Variants in ANKRD36C observed in about 807,000 individuals in gnomAD.
ANKRD36C encodes the protein ankyrin repeat domain-containing protein 36C.
A neutral mutation model predicts 276.4 loss-of-function variants in ANKRD36C; 61 were observed. The ratio of observed to expected loss-of-function variants is 0.22; its 90% CI spans 0.18 to 0.27. The LOEUF (loss-of-function observed/expected upper bound fraction) is 0.27. Among genes scored for constraint, ANKRD36C ranks in the 10% least tolerant of loss-of-function variants. The probability of loss-of-function intolerance (pLI) is 1.00; values close to 1 mark genes in which losing one functional copy is unlikely to be tolerated. For synonymous variants in ANKRD36C, 483 were observed against 680.1 expected (o/e 0.71, Z 4.51); for missense variants, 1,447 against 2,032.3 (o/e 0.71, Z 5.54).
At chr2:95,947,322 A>C (rs1440634361) in intron 17 of ANKRD36C, among the ~76,000 whole-genome samples, 1 of 152,178 alleles carries the variant, frequency 6.6e-6, no homozygotes, top group Non-Finnish European at 1.5e-5. Flanking sequence ...CAAGACATTT[A>C]ATAGATTTAA....
chr2:95,924,261 A>G (rs1275806930), intron 30 of ANKRD36C, among the ~76,000 whole-genome samples: 1 of 151,608 alleles, frequency 6.6e-6, no homozygotes, highest in African/African-American at 2.4e-5. Context: ...ATTATTTATC[A>G]TACACATGTG....
intron 46 of ANKRD36C, 99 bp from the exon 67 acceptor site, chr2:95,890,093 G>A: frequency 6.9e-7 from 1 of 1,451,028 alleles, no homozygotes; most frequent in Non-Finnish European, 9.6e-7. Context: ...CCTCCTGCCT[G>A]TATTAGTGTA....
intron 60 of ANKRD36C, among the ~76,000 whole-genome samples, chr2:95,865,071 A>G (rs980156275): frequency 6.6e-6 from 1 of 152,062 alleles, no homozygotes; most frequent in African/African-American, 2.4e-5. Context: ...CAACCTGTAT[A>G]AATAAAGTCA....
chr2:95,961,293 A>G (rs1678454270), intron 8 of ANKRD36C, among the ~76,000 whole-genome samples: 1 of 152,050 alleles, frequency 6.6e-6, no homozygotes, highest in African/African-American at 2.4e-5. Flanking sequence ...TTTATCCTCT[A>G]GTTTAGCCTT....
chr2:95,928,823 G>T (rs1261876195), intron 26 of ANKRD36C, among the ~76,000 whole-genome samples: 2 of 151,502 alleles, frequency 1.3e-5, no homozygotes, highest in African/African-American at 4.8e-5. Flanking sequence ...AGCCTGGTAT[G>T]TGTTGAACTT....
chr2:95,885,891 A>G (rs1676189666), intron 52 of ANKRD36C, among the ~76,000 whole-genome samples, 157 bp downstream of exon 72: 1 of 151,782 alleles, frequency 6.6e-6, no homozygotes, highest in Non-Finnish European at 1.5e-5. Context: ...AAGGACCAGC[A>G]CCATCAGGGT....
In ANKRD36C at chr2:95,903,084, GA is replaced by G; in HGVS notation, c.2654-3749del. ...GCCTGGTGGTTGCTCTGAAGACACT[GA>G]AAAGTAAAAGGGATTCATAATCACT... On this transcript the variant is annotated intron_variant, in intron 42 of 66. Transcript: ENST00000456556. 1.3e-6 allele frequency: 2 copies of G among 1,564,868 alleles called. No individual in the cohort carries two copies. Among genetic ancestry groups the G allele is most frequent in the Non-Finnish European group, 1.7e-6 (2 of 1,153,978 alleles).
At chr2:95,853,199 G>A (rs1289754006) in intron 64 of ANKRD36C, 1 of 153,736 alleles carries the variant, frequency 6.5e-6, no homozygotes, top group Non-Finnish European at 1.4e-5. Context: ...CAGTAAAATG[G>A]CCTTTCTGAA....
chr2:95,880,492 A>T (rs1397893777), exon 58 of ANKRD36C: 2 of 1,551,372 alleles, frequency 1.3e-6, no homozygotes, highest in Admixed American at 3.9e-5. Context: ...TTTATTTTCA[A>T]TTGTAGCCTG....
intron 22 of ANKRD36C, among the ~76,000 whole-genome samples, chr2:95,936,559 A>T (rs949046982): frequency 6.6e-6 from 1 of 152,272 alleles, no homozygotes; most frequent in African/African-American, 2.4e-5. Flanking sequence ...TCTCTGAAGC[A>T]ACAATAATCC....
At chr2:95,873,093 G>A (rs978948134) in intron 59 of ANKRD36C, among the ~76,000 whole-genome samples, 4 of 152,170 alleles carry the variant, frequency 2.6e-5, no homozygotes, top group African/African-American at 9.7e-5. Context: ...GAGGTACAAG[G>A]AGGAAGTGAT....
intron 42 of ANKRD36C, among the ~76,000 whole-genome samples, chr2:95,902,437 C>T (rs1676681363): frequency 6.6e-6 from 1 of 150,376 alleles, no homozygotes; most frequent in Non-Finnish European, 1.5e-5. Flanking sequence ...ATCCGTCTCC[C>T]TTAGGAAAAT....
chr2:95,972,131 A>G (rs1425680240), intron 6 of ANKRD36C, among the ~76,000 whole-genome samples: 1 of 152,154 alleles, frequency 6.6e-6, no homozygotes, highest in African/African-American at 2.4e-5. Context: ...AAAGGCCTAC[A>G]TGCAAAACTG....
intron 6 of ANKRD36C, among the ~76,000 whole-genome samples, chr2:95,973,764 C>A (rs1251416208): frequency 6.6e-6 from 1 of 152,158 alleles, no homozygotes; most frequent in Middle Eastern, 3.4e-3. Context: ...AGTTATAGAC[C>A]AGCACGATGG....
At chr2:95,946,539 C>T (rs1309891055) in intron 17 of ANKRD36C, among the ~76,000 whole-genome samples, 6 of 143,758 alleles carry the variant, frequency 4.2e-5, no homozygotes, top group Non-Finnish European at 9.1e-5. Context: ...ACCATTTGAC[C>T]CAGCCATCCC....
exon 63 of ANKRD36C, chr2:95,855,314 A>G: frequency 6.2e-7 from 1 of 1,606,752 alleles, no homozygotes. Context: ...TTTCTTTCGA[A>G]TGATTCAATT....
chr2:95,973,634 G>A, intron 6 of ANKRD36C, among the ~76,000 whole-genome samples: 1 of 152,096 alleles, frequency 6.6e-6, no homozygotes. Context: ...CATAGAACAG[G>A]TCGAAAAGTC....
At chr2:95,963,952 TATATAA>T (rs1196939475) in intron 6 of ANKRD36C, among the ~76,000 whole-genome samples, 4 of 75,926 alleles carry the variant, frequency 5.3e-5, no homozygotes, top group African/African-American at 1.9e-4. Flanking sequence ...TAAATATATA[TATATAA>T]ATATATATAT....
intron 42 of ANKRD36C, among the ~76,000 whole-genome samples, chr2:95,907,982 C>T (rs1676792206): frequency 6.7e-6 from 1 of 150,372 alleles, no homozygotes; most frequent in Admixed American, 6.6e-5. Context: ...CTCAGGTTTT[C>T]TCAGCAGAAA....
Sources: gnomAD v4.1 joint callset for allele counts (sites outside exome capture counted in the v4.1 genomes callset) on GRCh38, gnomAD v4.1.1 for gene constraint, MANE v1.5 for transcripts, NCBI Gene and HGNC (gene_info 2026-07-23, HGNC 2026-07-21) for gene names.